The following ARHGAP32 variants were observed in gnomAD, a reference collection of about 807,000 sequenced individuals.
ARHGAP32 encodes the protein rho GTPase-activating protein 32.
ARHGAP32 carries 51 observed loss-of-function variants against 186.5 expected under a neutral mutation model. That is an observed-to-expected ratio of 0.27 (90% confidence interval 0.22 to 0.35). The LOEUF is 0.35. Among genes scored for constraint, ARHGAP32 ranks in the 10% least tolerant of loss-of-function variants. The pLI is 1.00. For synonymous variants in ARHGAP32, 950 were observed against 964.3 expected, an observed-to-expected ratio of 0.99 and a Z score of 0.27; for missense variants, 2,186 against 2,623.5, an observed-to-expected ratio of 0.83 and a Z score of 3.64.
At chr11:128,979,734 TA>T (rs1298357060) in intron 18 of ARHGAP32, among the ~76,000 whole-genome samples, 1 of 152,202 alleles carries the variant, frequency 6.6e-6, no homozygotes, top group Non-Finnish European at 1.5e-5. Context: ...GAACAAATTC[TA>T]AAGTTATATT....
chr11:129,093,792 C>T (rs1410979369), intron 5 of ARHGAP32, 85 bp from the exon 6 acceptor site: 2 of 906,550 alleles, frequency 2.2e-6, no homozygotes, highest in Admixed American at 2.1e-5. Context: ...ATACCTGGAG[C>T]ATCATCTCCG....
At chr11:129,172,034 G>C (rs573269457) in intron 1 of ARHGAP32, among the ~76,000 whole-genome samples, 2 of 152,262 alleles carry the variant, frequency 1.3e-5, no homozygotes, top group South Asian at 4.1e-4. Flanking sequence ...TCCTGAGACT[G>C]CTGAAGCTGC....
chr11:129,205,917 T>C (rs564683270), intron 1 of ARHGAP32, among the ~76,000 whole-genome samples: 1 of 152,190 alleles, frequency 6.6e-6, no homozygotes, highest in South Asian at 2.1e-4. Context: ...ATGGGAAATT[T>C]CAACCATATA....
chr11:129,062,350 T>C lies in ARHGAP32; in HGVS notation c.893A>G (p.Asp298Gly). Residue 298 changes from aspartate (D) to glycine (G), a missense_variant, in exon 10 of 23, where the codon GAC becomes GGC. Physicochemically the swap from Asp to Gly is moderately conservative, Grantham distance 94 (BLOSUM62 -1). Around this residue, in one of 5 missense-constraint regions of ARHGAP32, gnomAD observed 308 missense variants for 596.5 expected, o/e 0.52. Transcript: ENST00000682385. ...APDELTLEVG[D>G]IVSVIDMPPK... is the part of the protein sequence containing the mutation. ...GGGCATGTCAATAACAGAAACAATG[T>C]CTCCCACCTAGGAGAATCAAAATTT... 1 of 1,613,348 alleles carries C rather than the reference T, an allele frequency of 6.2e-7. No individual in the cohort carries two copies. Among genetic ancestry groups the C allele is most frequent in the Non-Finnish European group, 8.5e-7 (1 of 1,179,450 alleles).
chr11:129,279,230 A>C (rs1419726679), exon 1 of ARHGAP32: 1 of 45,218 alleles, frequency 2.2e-5, no homozygotes, highest in Non-Finnish European at 4.3e-5. Context: ...GCCGGGCCCG[A>C]CGCCCTCCGC....
At chr11:129,176,847 A>G (rs1212668734) in intron 1 of ARHGAP32, among the ~76,000 whole-genome samples, 1 of 152,190 alleles carries the variant, frequency 6.6e-6, no homozygotes, top group Non-Finnish European at 1.5e-5. Flanking sequence ...AAGATCCAAC[A>G]TCGACACCCT....
At chr11:129,228,735 A>G (rs531826117) in intron 1 of ARHGAP32, among the ~76,000 whole-genome samples, 8 of 152,250 alleles carry the variant, frequency 5.3e-5, no homozygotes, top group Admixed American at 3.3e-4. Flanking sequence ...GAGCATCAAG[A>G]TAAGTAGCTA....
chr11:129,149,475 T>C lies in ARHGAP32; in HGVS notation c.225+14844A>G, dbSNP rs1276567920. On this transcript the variant is annotated intron_variant, in intron 2 of 22. Coordinates refer to ENST00000682385, the MANE Select transcript of ARHGAP32 (RefSeq NM_001378024.1). ...CACATCACAGGACTCTTTGCAGACA[T>C]TCCCTAGCACCAGCGCAGAGCCTGG... Among the ~76,000 whole-genome samples the C allele has an allele frequency of 2.0e-5, 3 of 152,274 alleles. No individual in the cohort carries two copies. The East Asian group carries it at 5.8e-4, about 29-fold the overall frequency.
At chr11:129,053,095 TA>T (rs1427967288) in intron 10 of ARHGAP32, among the ~76,000 whole-genome samples, 3 of 151,906 alleles carry the variant, frequency 2.0e-5, no homozygotes, top group African/African-American at 4.8e-5. Flanking sequence ...AGAAAAAAAC[TA>T]AAAACAAATA....
chr11:129,193,716 ATTATATATTATAT>A (rs1944347721), upstream of ARHGAP32, among the ~76,000 whole-genome samples: 1 of 43,850 alleles, frequency 2.3e-5, no homozygotes, highest in African/African-American at 7.9e-5. Flanking sequence ...TATATTATAT[ATTATATATTATAT>A]ATAATATATA....
intron 1 of ARHGAP32, among the ~76,000 whole-genome samples, chr11:129,210,998 G>A (rs1218877385): frequency 6.6e-6 from 1 of 152,070 alleles, no homozygotes; most frequent in African/African-American, 2.4e-5. Flanking sequence ...CACTTACTAT[G>A]TCCTGGTAGG....
chr11:129,125,887 G>A (rs1198411676), intron 2 of ARHGAP32: 3 of 444,358 alleles, frequency 6.8e-6, no homozygotes, highest in African/African-American at 6.1e-5. Context: ...CTTCTTAGAG[G>A]TCTCCCAAAG....
intron 1 of ARHGAP32, among the ~76,000 whole-genome samples, chr11:129,231,013 T>G (rs1292526594): frequency 6.6e-6 from 1 of 152,070 alleles, no homozygotes; most frequent in African/African-American, 2.4e-5. Flanking sequence ...TGGGTGCCTG[T>G]AATCCCAGCT....
chr11:129,113,948 T>C (rs964956467), intron 5 of ARHGAP32, among the ~76,000 whole-genome samples: 1 of 152,116 alleles, frequency 6.6e-6, no homozygotes, highest in Non-Finnish European at 1.5e-5. Flanking sequence ...TTTTTACATT[T>C]CCAGGCTCAA....
intron 6 of ARHGAP32, among the ~76,000 whole-genome samples, chr11:129,091,760 T>C (rs889293822): frequency 6.6e-6 from 1 of 152,086 alleles, no homozygotes; most frequent in Non-Finnish European, 1.5e-5. Context: ...ACTGAAATCC[T>C]TGTAGTCCCC....
At chr11:129,259,583 A>G (rs1454492920) in intron 1 of ARHGAP32, among the ~76,000 whole-genome samples, 1 of 151,548 alleles carries the variant, frequency 6.6e-6, no homozygotes, top group African/African-American at 2.4e-5. Flanking sequence ...AAAAAAAAAA[A>G]ATAAGCTAAG....
At chr11:129,075,559 A>G (rs1941010529) in intron 6 of ARHGAP32, among the ~76,000 whole-genome samples, 2 of 152,142 alleles carry the variant, frequency 1.3e-5, no homozygotes, top group Non-Finnish European at 2.9e-5. Context: ...CTCTATAAGA[A>G]ATTATTTAAC....
chr11:129,033,286 A>G (rs1329006252), intron 11 of ARHGAP32, among the ~76,000 whole-genome samples: 1 of 152,190 alleles, frequency 6.6e-6, no homozygotes, highest in African/African-American at 2.4e-5. Flanking sequence ...ATATACATCT[A>G]AAAGTGGAAC....
At chr11:129,207,824 T>C (rs1443351474) in intron 1 of ARHGAP32, among the ~76,000 whole-genome samples, 1 of 152,076 alleles carries the variant, frequency 6.6e-6, no homozygotes, top group Non-Finnish European at 1.5e-5. Context: ...AAACAACCAA[T>C]GGGCCAGAAA....
Sources: allele counts gnomAD v4.1 joint callset (sites outside exome capture counted in the v4.1 genomes callset), GRCh38; gene constraint gnomAD v4.1.1; regional missense constraint gnomAD v4.1.1; transcripts MANE v1.5; gene names NCBI Gene and HGNC (gene_info 2026-07-23, HGNC 2026-07-21).